The following GEMIN5 variants were observed in gnomAD, a reference collection of about 807,000 sequenced individuals.
GEMIN5 encodes the protein gem-associated protein 5.
In GEMIN5, 124 loss-of-function variants were observed where a neutral mutation model predicts 176.9. The ratio of observed to expected loss-of-function variants is 0.70; its 90% CI spans 0.61 to 0.81. The LOEUF is 0.81. Ranked by LOEUF, GEMIN5 falls within the 40% of genes least tolerant of loss-of-function variation. The pLI, the probability that GEMIN5 is intolerant of heterozygous loss-of-function variation, is 0.00. For missense variants in GEMIN5, 1,843 were observed against 1,814.6 expected (o/e 1.02, Z -0.28); for synonymous variants, 673 against 665.2 (o/e 1.01, Z -0.18).
chr5:154,888,341 C>T lies in GEMIN5; in HGVS notation c.4396G>A (p.Val1466Ile), dbSNP rs200425177. 46 of 1,613,838 alleles carry T rather than the reference C, an allele frequency of 2.9e-5. No homozygotes were observed. The highest frequency in any genetic ancestry group is 9.9e-5 in the South Asian group (9 of 91,074). Reference protein sequence around the residue: ...PFPDVLECCLVLLLIRSHFPG... With the variant: ...PFPDVLECCLILLLIRSHFPG... ...AAGTGGGACCTGATGAGAAGCAGGACGAGGCAGCACTCCAGCACATCTGGG... is the reference window on the plus strand; with the variant it reads ...AAGTGGGACCTGATGAGAAGCAGGATGAGGCAGCACTCCAGCACATCTGGG... The change falls in exon 28 of 28, where the codon GTC becomes ATC. Residue 1466 changes from valine (V) to isoleucine (I), a missense_variant. Physicochemically the swap from Val to Ile is conservative, Grantham distance 29. Transcript: ENST00000285873.
intron 24 of GEMIN5, among the ~76,000 whole-genome samples, chr5:154,894,537 G>C (rs1335787217): frequency 1.3e-5 from 2 of 152,052 alleles, no homozygotes; most frequent in Admixed American, 1.3e-4. Context: ...TTGGGAGGCC[G>C]AGGCAGGTGG....
chr5:154,931,370 GAC>G, intron 5 of GEMIN5, 86 bp downstream of exon 5: 13 of 1,328,944 alleles, frequency 9.8e-6, no homozygotes, highest in Non-Finnish European at 1.2e-5. Context: ...TCAAATAGAT[GAC>G]ACACCCTCAG....
intron 3 of GEMIN5, among the ~76,000 whole-genome samples, 183 bp downstream of exon 3, chr5:154,935,658 C>G (rs1261168283): frequency 1.3e-5 from 2 of 152,126 alleles, no homozygotes; most frequent in Admixed American, 6.5e-5. Flanking sequence ...ACCAAGGAAA[C>G]AAAAACGGAG....
chr5:154,932,061 T>A (rs765242695), intron 4 of GEMIN5, 38 bp downstream of exon 4: 1 of 1,464,366 alleles, frequency 6.8e-7, no homozygotes, highest in East Asian at 2.3e-5. Context: ...GTTCTTCAGG[T>A]CTCAAGTGGA....
chr5:154,913,552 G>C (rs935440112), intron 13 of GEMIN5, among the ~76,000 whole-genome samples: 2 of 152,146 alleles, frequency 1.3e-5, no homozygotes, highest in Admixed American at 6.5e-5. Context: ...GGCCAGGCGT[G>C]TCGGCTCACG....
At chr5:154,914,116 G>T (rs1763765224) in intron 13 of GEMIN5, among the ~76,000 whole-genome samples, 1 of 151,998 alleles carries the variant, frequency 6.6e-6, no homozygotes, top group South Asian at 2.1e-4. Flanking sequence ...TGCCTCCCAG[G>T]TTCAAACCAT....
At chr5:154,913,178 G>A in intron 13 of GEMIN5, 140 bp from the exon 14 acceptor site, 2 of 686,576 alleles carry the variant, frequency 2.9e-6, no homozygotes, top group Non-Finnish European at 4.6e-6. Flanking sequence ...TTGAGATGGA[G>A]TTTCGCTCTT....
chr5:154,916,422 G>C (rs1763810140), intron 13 of GEMIN5, among the ~76,000 whole-genome samples: 1 of 152,052 alleles, frequency 6.6e-6, no homozygotes, highest in Non-Finnish European at 1.5e-5. Context: ...ATAAAATCTA[G>C]AGAAAATATA....
At position 154,903,475 on chromosome 5, in the gene GEMIN5, T is replaced by C. The variant is rs147736549; in HGVS notation, c.2633-300A>G. 3.6e-3 allele frequency among the ~76,000 whole-genome samples: 554 copies of C among 152,258 alleles called. 3 individuals are homozygous for C. The highest frequency in any genetic ancestry group is 0.014 in the Middle Eastern group (4 of 294). On this transcript the variant is annotated intron_variant, in intron 18 of 27. Transcript: ENST00000285873. The stretch of plus-strand genomic sequence containing the variant: ...TTACCACAAGGGGATTCAATATTCA[T>C]CCTTTGCTTCAAAAAAAAAGTCAAC...
chr5:154,931,426 A>T (rs1271799827), intron 5 of GEMIN5, 32 bp downstream of exon 5: 1 of 1,584,882 alleles, frequency 6.3e-7, no homozygotes, highest in Non-Finnish European at 8.6e-7. Flanking sequence ...AGATCAACAT[A>T]GGTTACATCA....
intron 13 of GEMIN5, among the ~76,000 whole-genome samples, chr5:154,916,256 T>C (rs978018032): frequency 4.0e-5 from 6 of 151,466 alleles, no homozygotes; most frequent in Non-Finnish European, 8.9e-5. Flanking sequence ...CCATGATAAA[T>C]ATTGTAAATT....
chr5:154,893,873 G>A (rs563497806), intron 24 of GEMIN5, among the ~76,000 whole-genome samples: 2 of 152,122 alleles, frequency 1.3e-5, no homozygotes, highest in Non-Finnish European at 2.9e-5. Context: ...CCTCCAGAGT[G>A]GCTGGGACTA....
At chr5:154,921,040 GAAT>G (rs1763910804) in intron 10 of GEMIN5, among the ~76,000 whole-genome samples, 1 of 152,126 alleles carries the variant, frequency 6.6e-6, no homozygotes, top group African/African-American at 2.4e-5. Flanking sequence ...TTTTAGTGAA[GAAT>G]ATTAGACTGG....
intron 12 of GEMIN5, 48 bp from the exon 13 acceptor site, chr5:154,917,227 C>T (rs773768049): frequency 8.8e-7 from 1 of 1,132,672 alleles, no homozygotes; most frequent in Non-Finnish European, 1.2e-6. Flanking sequence ...GATCAAATTA[C>T]AAGTTACAAT....
intron 13 of GEMIN5, among the ~76,000 whole-genome samples, chr5:154,915,610 T>C (rs1484405757): frequency 6.6e-6 from 1 of 152,230 alleles, no homozygotes; most frequent in African/African-American, 2.4e-5. Context: ...CTATCATGTA[T>C]TAGCGATGCT....
chr5:154,933,664 A>G (rs1477772572), intron 3 of GEMIN5, among the ~76,000 whole-genome samples: 1 of 152,238 alleles, frequency 6.6e-6, no homozygotes, highest in Non-Finnish European at 1.5e-5. Flanking sequence ...ACAGGGAAGA[A>G]CACCAGCACA....
chr5:154,909,728 C>T (rs538998902), intron 15 of GEMIN5, among the ~76,000 whole-genome samples: 2 of 152,244 alleles, frequency 1.3e-5, no homozygotes, highest in South Asian at 4.1e-4. Flanking sequence ...CCTATAATCC[C>T]AGCACTTTGG....
rs539902104 is a variant in GEMIN5 at position 154,918,787 on chromosome 5, T to C, written c.1600-783A>G. Among the ~76,000 whole-genome samples the C allele has an allele frequency of 1.6e-4, 24 of 151,830 alleles. No homozygotes were observed. In the South Asian group the frequency reaches 4.4e-3, roughly 28 times the overall value. On this transcript the variant is annotated intron_variant, in intron 11 of 27. Coordinates refer to ENST00000285873, the MANE Select transcript of GEMIN5 (RefSeq NM_015465.5). Reference sequence around the variant, plus strand: ...GGCTGGGCATGGTGGCTCATGCCTATAATCAGTACTTTGGGAGGCCAAGTG... The same window carrying C: ...GGCTGGGCATGGTGGCTCATGCCTACAATCAGTACTTTGGGAGGCCAAGTG...
At chr5:154,934,338 C>T (rs1194407884) in intron 3 of GEMIN5, among the ~76,000 whole-genome samples, 1 of 152,188 alleles carries the variant, frequency 6.6e-6, no homozygotes, top group Admixed American at 6.5e-5. Context: ...AGGCATGCGC[C>T]ACCATGCCTG....
Sources: allele counts gnomAD v4.1 joint callset (sites outside exome capture counted in the v4.1 genomes callset), GRCh38; gene constraint gnomAD v4.1.1; transcripts MANE v1.5; gene names NCBI Gene and HGNC (gene_info 2026-07-23, HGNC 2026-07-21).